Variants in SMAD2 observed in about 807,000 individuals in gnomAD.
SMAD2 encodes MAD homolog 2.
In SMAD2, 8 loss-of-function variants were observed where a neutral mutation model predicts 64.4. That is an observed-to-expected ratio of 0.12 (90% CI 0.07 to 0.22). The LOEUF is 0.22. Ranked by LOEUF, SMAD2 falls within the 10% of genes least tolerant of loss-of-function variation. The pLI is 1.00. For missense variants in SMAD2, 289 were observed against 561.2 expected, an observed-to-expected ratio of 0.51 and a Z score of 4.90; for synonymous variants, 203 against 195.8, an observed-to-expected ratio of 1.04 and a Z score of -0.31.
chr18:47,904,482 C>T (rs2033824472), intron 1 of SMAD2, among the ~76,000 whole-genome samples: 1 of 151,972 alleles, frequency 6.6e-6, no homozygotes, highest in Non-Finnish European at 1.5e-5. Flanking sequence ...AACATTGCTA[C>T]CACCAGTCCC....
chr18:47,928,757 G>C (rs1568125365), intron 1 of SMAD2, among the ~76,000 whole-genome samples: 1 of 152,168 alleles, frequency 6.6e-6, no homozygotes, highest in African/African-American at 2.4e-5. Context: ...AGAAGGTGTG[G>C]CTAAGTATAA....
rs1912965274 is a variant in SMAD2 at position 47,830,934 on chromosome 18, A to G, written c.*10893T>C. The G allele has an allele frequency of 6.6e-6, 1 of 152,136 alleles. No homozygotes were observed. The highest frequency in any genetic ancestry group is 1.5e-5 in the Non-Finnish European group (1 of 68,274). The allele number at this position is 152,136 out of a possible 1,614,324, so 9.4% of individuals were successfully genotyped here. The stretch of plus-strand genomic sequence containing the variant: ...GATGAATCATCTTTGGCTGTGAGCA[A>G]AAAAGTTAACTAAGTTTCACTTAAT... On this transcript the variant is annotated 3_prime_UTR_variant, in exon 11 of 11. Transcript: ENST00000262160.
At position 47,833,795 on chromosome 18, in the gene SMAD2, C is replaced by T; in HGVS notation, c.*8032G>A. 1 of 230,616 alleles carries T rather than the reference C, an allele frequency of 4.3e-6. No individual in the cohort carries two copies. Among genetic ancestry groups the T allele is most frequent in the Admixed American group, 5.6e-5 (1 of 17,706 alleles). The allele number at this position is 230,616 out of a possible 1,614,324, so 14.3% of individuals were successfully genotyped here. Reference sequence around the variant, plus strand: ...CTCGAGCAGAACAGACTGGGAAATGCAGTAGACGCCAGAGCATCAAAGGCC... The same window carrying T: ...CTCGAGCAGAACAGACTGGGAAATGTAGTAGACGCCAGAGCATCAAAGGCC... On this transcript the variant is annotated 3_prime_UTR_variant, in exon 11 of 11. Transcript: ENST00000262160.
rs575634936 is a variant in SMAD2 at position 47,826,710 on chromosome 18, C to G, written c.*15117G>C. ...TGGTTGCTACGAGTTACTTTTGCGG[C>G]AATAATTGCTCCAATATGTTCTATG... is the stretch of plus-strand genomic sequence containing the variant. On this transcript the variant is annotated 3_prime_UTR_variant, in exon 11 of 11. Transcript: ENST00000262160. 7.2e-5 allele frequency: 11 copies of G among 152,306 alleles called. No individual in the cohort carries two copies. Among genetic ancestry groups the G allele is most frequent in the African/African-American group, 2.6e-4 (11 of 41,574 alleles). 9.4% of individuals were successfully genotyped at this position (152,306 alleles called of 1,614,324 possible).
chr18:47,904,713 T>C (rs970489917), intron 1 of SMAD2, among the ~76,000 whole-genome samples: 4 of 152,192 alleles, frequency 2.6e-5, no homozygotes, highest in South Asian at 2.1e-4. Flanking sequence ...AGGAGCAAAA[T>C]TGGTTTAACA....
At chr18:47,894,710 A>T (rs2033357066) in intron 2 of SMAD2, among the ~76,000 whole-genome samples, 1 of 152,212 alleles carries the variant, frequency 6.6e-6, no homozygotes, top group African/African-American at 2.4e-5. Flanking sequence ...ACCAAGCCTC[A>T]TGAAACCATC....
intron 4 of SMAD2, among the ~76,000 whole-genome samples, 170 bp downstream of exon 4, chr18:47,869,073 T>A (rs2031770600): frequency 2.0e-5 from 3 of 152,142 alleles, no homozygotes; most frequent in African/African-American, 7.2e-5. Flanking sequence ...GTTTTCTCAT[T>A]AAAAATTTTT....
chr18:47,896,828 GGAT>G lies in SMAD2; in HGVS notation c.-53-22_-53-20del. ...ATCGAACCTAGCAGAAATATTGAAA[GGAT>G]GATGTAGAGACTACCTTGAACATCA... On this transcript the variant is annotated intron_variant, in intron 1 of 10. Transcript: ENST00000262160. 6.4e-7 allele frequency: 1 copy of G among 1,558,822 alleles called. No individual in the cohort carries two copies. Among genetic ancestry groups the G allele is most frequent in the Non-Finnish European group, 8.7e-7 (1 of 1,152,888 alleles).
chr18:47,872,729 T>C (rs1012961426), intron 2 of SMAD2, among the ~76,000 whole-genome samples: 1 of 152,082 alleles, frequency 6.6e-6, no homozygotes. Context: ...GGGCACTCCT[T>C]AAGAGAATCT....
chr18:47,858,520 C>T (rs1437839623), intron 6 of SMAD2, among the ~76,000 whole-genome samples: 1 of 152,174 alleles, frequency 6.6e-6, no homozygotes, highest in Non-Finnish European at 1.5e-5. Context: ...TTTATCCCTT[C>T]TAATTTCCTT....
chr18:47,901,995 G>T (rs765798635), intron 1 of SMAD2, among the ~76,000 whole-genome samples: 3 of 152,108 alleles, frequency 2.0e-5, no homozygotes, highest in Non-Finnish European at 4.4e-5. Flanking sequence ...TTCCCCTAGA[G>T]AATCTTTATC....
intron 6 of SMAD2, among the ~76,000 whole-genome samples, chr18:47,854,777 C>G (rs1007499800): frequency 6.6e-6 from 1 of 152,050 alleles, no homozygotes; most frequent in Non-Finnish European, 1.5e-5. Context: ...CCATATGACC[C>G]CTGCCCTGCT....
chr18:47,920,781 C>T (rs1235665486), intron 1 of SMAD2, among the ~76,000 whole-genome samples: 1 of 152,208 alleles, frequency 6.6e-6, no homozygotes, highest in Non-Finnish European at 1.5e-5. Context: ...GAGCAAAATG[C>T]TATATAAACG....
At position 47,832,530 on chromosome 18, in the gene SMAD2, GGT is replaced by G. The variant is rs1220315795; in HGVS notation, c.*9295_*9296del. 1.3e-5 allele frequency: 2 copies of G among 152,098 alleles called. No individual in the cohort carries two copies. Among genetic ancestry groups the G allele is most frequent in the African/African-American group, 4.8e-5 (2 of 41,420 alleles). The allele number at this position is 152,098 out of a possible 1,614,324, so 9.4% of individuals were successfully genotyped here. A position where few individuals can be genotyped will look rare whatever the true frequency, so the allele number is the denominator to read the frequency against. The stretch of plus-strand genomic sequence containing the variant: ...TTGCATACTAAAGCATGTTTAAAAT[GGT>G]TTGCAGAAAACAGTCTGCTAACCAG... On this transcript the variant is annotated 3_prime_UTR_variant, in exon 11 of 11. Transcript: ENST00000262160.
In SMAD2 at chr18:47,827,486, A is replaced by C. The variant is rs898241945; in HGVS notation, c.*14341T>G. On this transcript the variant is annotated 3_prime_UTR_variant, in exon 11 of 11. Transcript: ENST00000262160. ...CCTCTCCCGTCTCCCCCCGTCTCCC[A>C]CTTTCTACGGTCTCCCACTTTCCAC... The C allele has an allele frequency of 1.3e-5, 2 of 152,254 alleles. No homozygotes were observed. The highest frequency in any genetic ancestry group is 3.9e-4 in the East Asian group (2 of 5,178). 9.4% of individuals were successfully genotyped at this position (152,254 alleles called of 1,614,324 possible). A position where few individuals can be genotyped will look rare whatever the true frequency, so the allele number is the denominator to read the frequency against.
In SMAD2 at chr18:47,835,164, A is replaced by C. The variant is rs1350839557; in HGVS notation, c.*6663T>G. On this transcript the variant is annotated 3_prime_UTR_variant, in exon 11 of 11. Transcript: ENST00000262160. Reference sequence around the variant, plus strand: ...CACTATCACTAATAAAAAGATACAAATATGCCTTTCAAGTCAGGGTTGGAA... The same window carrying C: ...CACTATCACTAATAAAAAGATACAACTATGCCTTTCAAGTCAGGGTTGGAA... 2 of 221,126 alleles carry C rather than the reference A, an allele frequency of 9.0e-6. No homozygotes were observed. Among genetic ancestry groups the C allele is most frequent in the East Asian group, 1.3e-4 (2 of 15,186 alleles). 13.7% of individuals were successfully genotyped at this position (221,126 alleles called of 1,614,324 possible). A position where few individuals can be genotyped will look rare whatever the true frequency, so the allele number is the denominator to read the frequency against.
intron 2 of SMAD2, among the ~76,000 whole-genome samples, chr18:47,883,740 T>C (rs181354576): frequency 6.6e-6 from 1 of 152,362 alleles, no homozygotes; most frequent in Non-Finnish European, 1.5e-5. Flanking sequence ...GTCATTTGTA[T>C]GCTGCGTGCC....
intron 6 of SMAD2, among the ~76,000 whole-genome samples, chr18:47,861,413 G>C (rs1458872272): frequency 6.6e-6 from 1 of 151,980 alleles, no homozygotes; most frequent in Non-Finnish European, 1.5e-5. Flanking sequence ...CAGAATTCTA[G>C]AACCAAAAAG....
intron 5 of SMAD2, 136 bp downstream of exon 5, chr18:47,868,187 C>T (rs1211613567): frequency 2.7e-6 from 2 of 749,194 alleles, no homozygotes; most frequent in Admixed American, 1.9e-5. Flanking sequence ...AAATAATCAC[C>T]CAACGAATCC....
Sources: allele counts gnomAD v4.1 joint callset (sites outside exome capture counted in the v4.1 genomes callset), GRCh38; gene constraint gnomAD v4.1.1; transcripts MANE v1.5; gene names NCBI Gene and HGNC (gene_info 2026-07-23, HGNC 2026-07-21).